The following TAF7L variants were observed in gnomAD, a reference collection of about 807,000 sequenced individuals.
TAF7L encodes the protein transcription initiation factor TFIID subunit 7-like.
In TAF7L, 6 loss-of-function variants were observed where a neutral mutation model predicts 30.2. The ratio of observed to expected loss-of-function variants is 0.20; its 90% CI spans 0.11 to 0.39. TAF7L has a LOEUF of 0.39. Among genes scored for constraint, TAF7L ranks in the 10% least tolerant of loss-of-function variants. The pLI, the probability that TAF7L is intolerant of heterozygous loss-of-function variation, is 1.00. For synonymous variants in TAF7L, 93 were observed against 94.5 expected, an observed-to-expected ratio of 0.98 and a Z score of 0.09; for missense variants, 284 against 277.1, an observed-to-expected ratio of 1.03 and a Z score of -0.18.
rs375074970 is a variant in TAF7L at position 101,278,059 on chromosome X, G to A, written c.567C>T (p.Ala189=). 1,533 of 1,208,005 alleles carry A rather than the reference G, an allele frequency of 1.3e-3. 15 individuals are homozygous for A. The South Asian group carries it at 0.024, about 19-fold the overall frequency. Residue 189 remains alanine (A), a synonymous_variant, in exon 8 of 13, where the codon GCC becomes GCT. Transcript: ENST00000356784. ...TTGTATAAAGGATACGGGTACTTAC[G>A]GCTTCAGCATCCGAACGCAGCAGTC... The part of the protein sequence containing the change: ...VKRLLRSDAE[A]VSTRWEVIAE...
At chrX:101,271,540 A>G (rs5967287) in intron 12 of TAF7L, among the ~76,000 whole-genome samples, 40,426 of 110,763 alleles carry the variant, frequency 0.36, 5,394 homozygotes, top group African/African-American at 0.41. Flanking sequence ...TGGTACACTT[A>G]TATAGGGCAC....
intron 1 of TAF7L, 135 bp from the exon 2 acceptor site, chrX:101,287,680 G>A (rs1431949620): frequency 1.3e-4 from 55 of 436,694 alleles, no homozygotes; most frequent in Non-Finnish European, 1.1e-4. Flanking sequence ...AATGATGTGT[G>A]TACAGTTAGA....
intron 6 of TAF7L, among the ~76,000 whole-genome samples, chrX:101,279,347 C>A (rs187686225): frequency 1.3e-4 from 15 of 112,029 alleles, no homozygotes; most frequent in Middle Eastern, 4.6e-3. Flanking sequence ...TTTGGCCAGG[C>A]GTGGTGGCTC....
rs765708992 is a variant in TAF7L, at chrX:101,285,607, T to A, written c.145+968A>T. Among the ~76,000 whole-genome samples, 177 of 109,618 alleles carry A rather than the reference T, an allele frequency of 1.6e-3. 1 individual carries two copies. The highest frequency in any genetic ancestry group is 5.6e-3 in the African/African-American group (170 of 30,251). The stretch of plus-strand genomic sequence containing the variant: ...TTAACAGTTGTTATTGTTCTTTTTT[T>A]TTTTTTAATAAAAGCCATTCTAACA... On this transcript the variant is annotated intron_variant, in intron 3 of 12. Coordinates refer to ENST00000356784, the MANE Select transcript of TAF7L (RefSeq NM_001168474.2).
intron 4 of TAF7L, among the ~76,000 whole-genome samples, chrX:101,282,812 G>T (rs758138716): frequency 9.4e-4 from 105 of 111,170 alleles, no homozygotes; most frequent in Non-Finnish European, 1.8e-3. Flanking sequence ...CATACAGGCT[G>T]GAGTGCAGTG....
At position 101,268,933 on chromosome X, in the gene TAF7L, C is replaced by T; in HGVS notation, c.*260G>A. 3 of 269,856 alleles carry T rather than the reference C, an allele frequency of 1.1e-5. No homozygotes were observed. The highest frequency in any genetic ancestry group is 1.3e-5 in the Non-Finnish European group (2 of 152,388). 22.2% of individuals were successfully genotyped at this position (269,856 alleles called of 1,213,427 possible). ...TGGGCAACATAACAAGACCCCATTT[C>T]TAAATTAATAATAATAATTCCCAAA... On this transcript the variant is annotated 3_prime_UTR_variant, in exon 13 of 13. Transcript: ENST00000356784.
In TAF7L at chrX:101,269,081, A is replaced by C; in HGVS notation, c.*112T>G. ...TAAGTAGCAAAGAAGGTACAGATAAATATAACTGATTCAACATAAGGCAAC... is the reference window on the plus strand; with the variant it reads ...TAAGTAGCAAAGAAGGTACAGATAACTATAACTGATTCAACATAAGGCAAC... On this transcript the variant is annotated 3_prime_UTR_variant, in exon 13 of 13. Coordinates refer to ENST00000356784, the MANE Select transcript of TAF7L (RefSeq NM_001168474.2). 1 of 635,081 alleles carries C rather than the reference A, an allele frequency of 1.6e-6. No homozygotes were observed. The highest frequency in any genetic ancestry group is 2.5e-6 in the Non-Finnish European group (1 of 400,916). 52.3% of individuals were successfully genotyped at this position (635,081 alleles called of 1,213,427 possible). A position where few individuals can be genotyped will look rare whatever the true frequency, so the allele number is the denominator to read the frequency against.
rs1005206920 is a variant in TAF7L at position 101,286,192 on chromosome X, A to AAAAGAAAG, written c.145+375_145+382dup. 1.1e-3 allele frequency among the ~76,000 whole-genome samples: 121 copies of AAAAGAAAG among 106,283 alleles called. 2 individuals carry two copies. Among genetic ancestry groups the AAAAGAAAG allele is most frequent in the African/African-American group, 1.1e-3 (32 of 28,459 alleles). The allele number at this position is 106,283 out of a possible 115,157, so 92.3% of individuals were successfully genotyped here. ...CGAGACTCCATCTCAAAAAAAAAAA[A>AAAAGAAAG]AAAGAAAGAAAGAAAGAAAGAAAGA... On this transcript the variant is annotated intron_variant, in intron 3 of 12. Coordinates refer to ENST00000356784, the MANE Select transcript of TAF7L (RefSeq NM_001168474.2).
chrX:101,287,561 A>G lies in TAF7L; in HGVS notation c.-2-16T>C. 1 of 1,193,661 alleles carries G rather than the reference A, an allele frequency of 8.4e-7. No homozygotes were observed. The highest frequency in any genetic ancestry group is 1.1e-6 in the Non-Finnish European group (1 of 880,808). On this transcript the variant is annotated splice_polypyrimidine_tract_variant and intron_variant, in intron 1 of 12. Coordinates refer to ENST00000356784, the MANE Select transcript of TAF7L (RefSeq NM_001168474.2). ...TCACTCATGTCTTGATTTTGAGTTC[A>G]TGAAAGCAAAAAGAAAACCATCACT...
chrX:101,292,757 C>T (rs1924869731), upstream of TAF7L: 2 of 1,195,316 alleles, frequency 1.7e-6, no homozygotes, highest in Non-Finnish European at 2.3e-6. Context: ...AGAAGGTCCT[C>T]GGCTGGGGGA....
At position 101,268,656 on chromosome X, in the gene TAF7L, A is replaced by T. The variant is rs1270669030; in HGVS notation, c.*537T>A. The T allele has an allele frequency of 8.9e-6, 1 of 112,154 alleles. No individual in the cohort carries two copies. Among genetic ancestry groups the T allele is most frequent in the African/African-American group, 3.2e-5 (1 of 30,851 alleles). The allele number at this position is 112,154 out of a possible 1,213,427, so 9.2% of individuals were successfully genotyped here. ...CAGGTCCTAGTGCTTAGTAGAAATG[A>T]CCTCGTTTTTTCCCCTATGTTTTAG... On this transcript the variant is annotated 3_prime_UTR_variant, in exon 13 of 13. Coordinates refer to ENST00000356784, the MANE Select transcript of TAF7L (RefSeq NM_001168474.2).
intron 7 of TAF7L, among the ~76,000 whole-genome samples, 168 bp downstream of exon 7, chrX:101,278,826 T>A (rs1924304986): frequency 8.9e-6 from 1 of 112,311 alleles, no homozygotes. Context: ...AACAATGAAT[T>A]CATTTTTTAG....
At chrX:101,286,194 AAGAAAG>A (rs1924592812) in intron 3 of TAF7L, among the ~76,000 whole-genome samples, 1 of 91,291 alleles carries the variant, frequency 1.1e-5, no homozygotes, top group African/African-American at 4.8e-5. Context: ...AAAAAAAAAA[AAGAAAG>A]AAAGAAAGAA....
At chrX:101,279,824 C>T (rs940190752) in intron 6 of TAF7L, among the ~76,000 whole-genome samples, 1 of 110,491 alleles carries the variant, frequency 9.1e-6, no homozygotes, top group Non-Finnish European at 1.9e-5. Flanking sequence ...TAAAACCAAG[C>T]CCAACTGATA....
chrX:101,277,794 G>T, intron 8 of TAF7L, 75 bp from the exon 9 acceptor site: 1 of 728,512 alleles, frequency 1.4e-6, no homozygotes, highest in Non-Finnish European at 2.1e-6. Flanking sequence ...GGGCTCTTTG[G>T]CTAACAGTGC....
At chrX:101,282,618 C>T (rs1345142487) in intron 4 of TAF7L, among the ~76,000 whole-genome samples, 165 bp from the exon 5 acceptor site, 1 of 110,349 alleles carries the variant, frequency 9.1e-6, no homozygotes. Context: ...TTTGCAGTCT[C>T]TCTCTCTCCC....
upstream of TAF7L, among the ~76,000 whole-genome samples, chrX:101,291,662 C>T (rs776419432): frequency 4.1e-4 from 44 of 108,418 alleles, no homozygotes; most frequent in Middle Eastern, 0.015. Flanking sequence ...GTCAAAAGAT[C>T]GAGACCATCC....
At chrX:101,285,600 CT>C (rs141431193) in intron 3 of TAF7L, among the ~76,000 whole-genome samples, 39,982 of 90,992 alleles carry the variant, frequency 0.44, 6,906 homozygotes, top group African/African-American at 0.6. Flanking sequence ...TGTTATTGTT[CT>C]TTTTTTTTTT....
At chrX:101,282,011 G>A (rs1244283952) in intron 5 of TAF7L, among the ~76,000 whole-genome samples, 2 of 107,615 alleles carry the variant, frequency 1.9e-5, no homozygotes, top group African/African-American at 6.8e-5. Context: ...TCAGCCTCCC[G>A]AGTAGCTGGG....
Sources: allele counts gnomAD v4.1 joint callset (sites outside exome capture counted in the v4.1 genomes callset), GRCh38; gene constraint gnomAD v4.1.1; transcripts MANE v1.5; gene names NCBI Gene and HGNC (gene_info 2026-07-23, HGNC 2026-07-21).